SGCZ: variants seen among roughly 807,000 people sequenced by gnomAD.
SGCZ encodes the protein zeta-sarcoglycan.
A neutral mutation model predicts 41.3 loss-of-function variants in SGCZ; 40 were observed. The observed-to-expected ratio is 0.97, with a 90% CI of 0.75 to 1.26. The LOEUF is 1.26. Ranked by LOEUF, SGCZ falls within the 50% of genes most tolerant of loss-of-function variation. SGCZ has a pLI of 0.00. For synonymous variants in SGCZ, 206 were observed against 137.5 expected (o/e 1.50, Z -3.49); for missense variants, 552 against 369.8 (o/e 1.49, Z -4.04).
chr8:14,520,790 A>G (rs1031127158), intron 2 of SGCZ, among the ~76,000 whole-genome samples: 1 of 152,128 alleles, frequency 6.6e-6, no homozygotes, highest in Admixed American at 6.6e-5. Flanking sequence ...ACCTTCTTTG[A>G]ACATTATCAT....
intron 3 of SGCZ, among the ~76,000 whole-genome samples, chr8:14,294,103 A>C (rs1200768564): frequency 6.6e-6 from 1 of 151,878 alleles, no homozygotes; most frequent in Non-Finnish European, 1.5e-5. Flanking sequence ...TATTACAACC[A>C]CCAGACATTA....
chr8:14,527,748 C>T (rs1046172347), intron 2 of SGCZ, among the ~76,000 whole-genome samples: 13 of 152,192 alleles, frequency 8.5e-5, no homozygotes, highest in Admixed American at 3.9e-4. Flanking sequence ...ATTACCACTG[C>T]GTCTAACAGC....
intron 3 of SGCZ, chr8:14,309,607 GTT>G (rs1165910494): frequency 1.2e-6 from 2 of 1,610,792 alleles, no homozygotes; most frequent in Non-Finnish European, 1.7e-6. Flanking sequence ...ATAGTGACTG[GTT>G]ATCAGTCCCA....
intron 1 of SGCZ, among the ~76,000 whole-genome samples, chr8:14,617,845 T>A (rs1190143343): frequency 1.7e-5 from 1 of 57,766 alleles, no homozygotes; most frequent in East Asian, 4.6e-4. Context: ...ATTTTTTGTG[T>A]GTTTATGTGT....
chr8:14,110,744 C>G (rs1005160528), intron 5 of SGCZ, among the ~76,000 whole-genome samples: 4 of 151,998 alleles, frequency 2.6e-5, no homozygotes, highest in African/African-American at 9.7e-5. Flanking sequence ...GGTATGAAGT[C>G]TAACAGCATA....
At chr8:15,135,358 C>A (rs1808064759) in intron 1 of SGCZ, among the ~76,000 whole-genome samples, 1 of 152,136 alleles carries the variant, frequency 6.6e-6, no homozygotes, top group Non-Finnish European at 1.5e-5. Context: ...GTATTTTAAT[C>A]TGGCTTTTCA....
At chr8:15,077,815 G>T (rs1003198886) in intron 1 of SGCZ, among the ~76,000 whole-genome samples, 4 of 152,164 alleles carry the variant, frequency 2.6e-5, no homozygotes, top group African/African-American at 9.7e-5. Context: ...TCTCAATAGA[G>T]GTACAAGATA....
intron 1 of SGCZ, among the ~76,000 whole-genome samples, chr8:15,162,063 G>A (rs1799526787): frequency 6.6e-6 from 1 of 152,104 alleles, no homozygotes; most frequent in Non-Finnish European, 1.5e-5. Flanking sequence ...GAGATTTACT[G>A]TAAACAGAAT....
intron 1 of SGCZ, among the ~76,000 whole-genome samples, chr8:15,053,255 G>C (rs562194863): frequency 6.6e-6 from 1 of 152,044 alleles, no homozygotes; most frequent in African/African-American, 2.4e-5. Context: ...CTTTCTTCCT[G>C]CTTCCCTCAT....
chr8:14,278,812 T>A (rs557559412), intron 3 of SGCZ, among the ~76,000 whole-genome samples: 1 of 152,236 alleles, frequency 6.6e-6, no homozygotes, highest in East Asian at 1.9e-4. Context: ...TCTACCTCTA[T>A]ATTGGACTTT....
chr8:14,450,923 G>A (rs937309342), intron 2 of SGCZ, among the ~76,000 whole-genome samples: 20 of 152,032 alleles, frequency 1.3e-4, no homozygotes, highest in African/African-American at 4.8e-4. Context: ...AATCATCTTG[G>A]GGCAGACAGA....
At chr8:14,868,896 C>T (rs576788295) in intron 1 of SGCZ, among the ~76,000 whole-genome samples, 1 of 152,094 alleles carries the variant, frequency 6.6e-6, no homozygotes, top group African/African-American at 2.4e-5. Context: ...CAGGAAGAAG[C>T]TGGATCCCAG....
At chr8:14,360,474 C>T (rs939524809) in intron 2 of SGCZ, among the ~76,000 whole-genome samples, 1 of 151,900 alleles carries the variant, frequency 6.6e-6, no homozygotes, top group Non-Finnish European at 1.5e-5. Flanking sequence ...TACAGGCACG[C>T]ATCACCACAC....
chr8:14,808,415 G>T (rs13253177), intron 1 of SGCZ, among the ~76,000 whole-genome samples: 13,612 of 152,090 alleles, frequency 0.089, 829 homozygotes, highest in South Asian at 0.13. Flanking sequence ...ATCAAAAAGT[G>T]GGCAAAGGAC....
At chr8:14,501,247 G>T (rs1802144837) in intron 2 of SGCZ, among the ~76,000 whole-genome samples, 1 of 151,466 alleles carries the variant, frequency 6.6e-6, no homozygotes, top group Non-Finnish European at 1.5e-5. Flanking sequence ...CCTTATAATT[G>T]CATTGAGTCT....
At chr8:14,360,238 C>T (rs911645724) in intron 2 of SGCZ, among the ~76,000 whole-genome samples, 2 of 151,956 alleles carry the variant, frequency 1.3e-5, no homozygotes, top group African/African-American at 2.4e-5. Context: ...TCTTATTCAA[C>T]ATAGTTCCAG....
chr8:14,237,964 C>G (rs1327095515), intron 3 of SGCZ, among the ~76,000 whole-genome samples: 3 of 152,176 alleles, frequency 2.0e-5, no homozygotes, highest in Non-Finnish European at 4.4e-5. Flanking sequence ...AACCCTTTTC[C>G]TTTTTCTCTC....
At chr8:14,905,306 G>C (rs931292789) in intron 1 of SGCZ, among the ~76,000 whole-genome samples, 25 of 151,882 alleles carry the variant, frequency 1.6e-4, no homozygotes, top group Non-Finnish European at 1.5e-5. Context: ...CGATTAAAAA[G>C]ACAGTAATGG....
At chr8:14,945,082 C>A (rs900897047) in intron 1 of SGCZ, among the ~76,000 whole-genome samples, 5 of 139,514 alleles carry the variant, frequency 3.6e-5, no homozygotes, top group Non-Finnish European at 6.0e-5. Context: ...TATTCAAGTA[C>A]AACATGCACA....
Sources: allele counts gnomAD v4.1 joint callset (sites outside exome capture counted in the v4.1 genomes callset), GRCh38; gene constraint gnomAD v4.1.1; transcripts MANE v1.5; gene names NCBI Gene and HGNC (gene_info 2026-07-23, HGNC 2026-07-21).